ALG9: variants seen among roughly 807,000 people sequenced by gnomAD.
The protein encoded by ALG9 is alpha-1,2-mannosyltransferase ALG9.
In ALG9, 55 loss-of-function variants were observed where a neutral mutation model predicts 81.8. The ratio of observed to expected loss-of-function variants is 0.67; its 90% CI spans 0.54 to 0.84. The LOEUF is 0.84. Among genes scored for constraint, ALG9 ranks in the 40% least tolerant of loss-of-function variants. The pLI is 0.00. For synonymous variants in ALG9, 278 were observed against 274.3 expected (o/e 1.01, Z -0.13); for missense variants, 629 against 745.0 (o/e 0.84, Z 1.81).
At chr11:111,827,915 T>G in intron 13 of ALG9, among the ~76,000 whole-genome samples, 1 of 140,328 alleles carries the variant, frequency 7.1e-6, no homozygotes, top group Non-Finnish European at 1.5e-5. Flanking sequence ...AGTCCGGACG[T>G]GGTGGCTCAC....
At chr11:111,806,842 C>T (rs566842030) in intron 14 of ALG9, among the ~76,000 whole-genome samples, 2 of 152,124 alleles carry the variant, frequency 1.3e-5, no homozygotes, top group Non-Finnish European at 2.9e-5. Context: ...TCTCACTCTA[C>T]CCCTAAAACT....
chr11:111,791,921 T>G (rs1476942971), intron 14 of ALG9, among the ~76,000 whole-genome samples: 2 of 152,200 alleles, frequency 1.3e-5, no homozygotes, highest in African/African-American at 2.4e-5. Context: ...GTGAAACCCC[T>G]AAAAATACAA....
chr11:111,870,469 G>C (rs2137298792), intron 1 of ALG9, 99 bp from the exon 2 acceptor site: 2 of 1,402,378 alleles, frequency 1.4e-6, no homozygotes, highest in African/African-American at 1.5e-5. Context: ...AAAAGGGCAA[G>C]GGACATCAAA....
chr11:111,852,160 T>C (rs915787636), intron 8 of ALG9, among the ~76,000 whole-genome samples: 4 of 152,194 alleles, frequency 2.6e-5, no homozygotes, highest in Non-Finnish European at 5.9e-5. Flanking sequence ...GGAGTACAGA[T>C]AGATATAATC....
chr11:111,857,059 A>T (rs1174653242), intron 6 of ALG9, among the ~76,000 whole-genome samples: 2 of 152,220 alleles, frequency 1.3e-5, no homozygotes, highest in African/African-American at 2.4e-5. Context: ...ATAAGCCAAC[A>T]TCGTGCCATT....
chr11:111,787,265 T>A (rs1423495649), intron 14 of ALG9, among the ~76,000 whole-genome samples: 2 of 151,762 alleles, frequency 1.3e-5, no homozygotes, highest in African/African-American at 4.8e-5. Flanking sequence ...ACTCTGTCTC[T>A]ATTAAAAATA....
intron 14 of ALG9, chr11:111,805,326 T>C (rs994297767): frequency 4.8e-5 from 22 of 456,040 alleles, no homozygotes; most frequent in African/African-American, 4.2e-4. Flanking sequence ...CTGTGAGAAG[T>C]AAACGTTTGT....
chr11:111,850,150 TTCTA>T (rs1405647132), intron 8 of ALG9, among the ~76,000 whole-genome samples: 1 of 152,178 alleles, frequency 6.6e-6, no homozygotes. Context: ...GGTATTTTAT[TTCTA>T]TCTATTATAG....
intron 6 of ALG9, among the ~76,000 whole-genome samples, chr11:111,856,517 T>A (rs957849199): frequency 4.0e-5 from 6 of 151,872 alleles, no homozygotes; most frequent in African/African-American, 1.4e-4. Flanking sequence ...ACAGCATAAT[T>A]TTTCTGGAAA....
chr11:111,841,284 G>A (rs1956172531), intron 9 of ALG9, among the ~76,000 whole-genome samples: 1 of 152,104 alleles, frequency 6.6e-6, no homozygotes, highest in South Asian at 2.1e-4. Context: ...TGGATCAAAG[G>A]AAAACAAAAT....
At chr11:111,811,017 G>A (rs1950624977) in intron 13 of ALG9, among the ~76,000 whole-genome samples, 1 of 151,980 alleles carries the variant, frequency 6.6e-6, no homozygotes, top group Admixed American at 6.6e-5. Flanking sequence ...CAGAAAGGAA[G>A]AAACAAAACT....
chr11:111,851,489 A>C (rs1592288797), intron 8 of ALG9, among the ~76,000 whole-genome samples: 1 of 151,706 alleles, frequency 6.6e-6, no homozygotes. Context: ...AAAAAAAAAA[A>C]AAAAAAGAGA....
rs1432863283 is a variant in ALG9, at chr11:111,782,573, A to G, written c.*3824T>C. The G allele has an allele frequency of 2.0e-5, 3 of 152,638 alleles. No homozygotes were observed. The highest frequency in any genetic ancestry group is 2.0e-4 in the Admixed American group (3 of 15,276). The allele number at this position is 152,638 out of a possible 1,614,324, so 9.5% of individuals were successfully genotyped here. A position where few individuals can be genotyped will look rare whatever the true frequency, so the allele number is the denominator to read the frequency against. On this transcript the variant is annotated 3_prime_UTR_variant, in exon 15 of 15. Transcript: ENST00000616540. ...CACGTGAGCTTTAATATGCTTGTGG[A>G]GGCCAAGATTAAATTGTACCTCTTC...
At chr11:111,823,946 C>T (rs1319129375) in intron 13 of ALG9, among the ~76,000 whole-genome samples, 1 of 152,202 alleles carries the variant, frequency 6.6e-6, no homozygotes, top group African/African-American at 2.4e-5. Flanking sequence ...TATTTGTCCC[C>T]CTTGTGAAAT....
chr11:111,793,171 G>A lies in ALG9; in HGVS notation c.1734-6651C>T, dbSNP rs372274830. Among the ~76,000 whole-genome samples, 5 of 151,884 alleles carry A rather than the reference G, an allele frequency of 3.3e-5. No homozygotes were observed. The East Asian group carries it at 5.8e-4, about 18-fold the overall frequency. On this transcript the variant is annotated intron_variant, in intron 14 of 14. Transcript: ENST00000616540. ...CTAATTTTTTACTTTTTGCAGCGAC[G>A]GGGTCATACTATGTTGCCCAGACTA...
At chr11:111,858,009 G>A (rs1330387903) in intron 5 of ALG9, 4 of 390,774 alleles carry the variant, frequency 1.0e-5, no homozygotes, top group African/African-American at 6.3e-5. Context: ...TGGGATCTCA[G>A]CTCACTGCAA....
intron 14 of ALG9, among the ~76,000 whole-genome samples, chr11:111,791,172 T>C (rs1488578649): frequency 6.6e-6 from 1 of 152,238 alleles, no homozygotes; most frequent in Non-Finnish European, 1.5e-5. Flanking sequence ...GTGCCTACTA[T>C]ATGTAAGCAT....
chr11:111,856,474 T>A (rs781890681), intron 6 of ALG9, among the ~76,000 whole-genome samples: 7 of 151,844 alleles, frequency 4.6e-5, no homozygotes, highest in Non-Finnish European at 7.4e-5. Context: ...GTTTTAAGAA[T>A]GTAGATAGGT....
chr11:111,787,402 C>T (rs1482874270), intron 14 of ALG9, among the ~76,000 whole-genome samples: 1 of 152,078 alleles, frequency 6.6e-6, no homozygotes, highest in Non-Finnish European at 1.5e-5. Flanking sequence ...CTCTGCACTC[C>T]AGCATGGGTG....
Sources: allele counts gnomAD v4.1 joint callset (sites outside exome capture counted in the v4.1 genomes callset), GRCh38; gene constraint gnomAD v4.1.1; transcripts MANE v1.5; gene names NCBI Gene and HGNC (gene_info 2026-07-23, HGNC 2026-07-21).